Variants in CNTNAP2 observed in about 807,000 individuals in gnomAD.
CNTNAP2 encodes contactin-associated protein-like 2.
A neutral mutation model predicts 155.2 loss-of-function variants in CNTNAP2; 98 were observed. That is an observed-to-expected ratio of 0.63 (90% CI 0.54 to 0.75). CNTNAP2 has a LOEUF of 0.75. CNTNAP2 is among the 30% of genes least tolerant of loss of function. The pLI is 0.00. For missense variants in CNTNAP2, 1,727 were observed against 1,688.1 expected (o/e 1.02, Z -0.40); for synonymous variants, 651 against 631.2 (o/e 1.03, Z -0.47).
chr7:147,364,970 G>A (rs1055629569), intron 9 of CNTNAP2, among the ~76,000 whole-genome samples: 1 of 151,998 alleles, frequency 6.6e-6, no homozygotes, highest in African/African-American at 2.4e-5. Context: ...ATTTTTTTAA[G>A]TAAAAGAACC....
intron 14 of CNTNAP2, among the ~76,000 whole-genome samples, chr7:147,960,523 C>A (rs1801098427): frequency 1.3e-5 from 2 of 152,152 alleles, no homozygotes; most frequent in African/African-American, 4.8e-5. Context: ...ATAATCCAGG[C>A]AGACAAGGAC....
intron 1 of CNTNAP2, among the ~76,000 whole-genome samples, chr7:146,335,567 C>T (rs1801260323): frequency 6.6e-6 from 1 of 152,164 alleles, no homozygotes; most frequent in Non-Finnish European, 1.5e-5. Context: ...ACTGGAGAAT[C>T]TCTTTGATAG....
At chr7:147,230,468 G>A (rs1002932916) in intron 8 of CNTNAP2, among the ~76,000 whole-genome samples, 3 of 152,094 alleles carry the variant, frequency 2.0e-5, no homozygotes, top group African/African-American at 4.8e-5. Flanking sequence ...ATGTTGGCCA[G>A]GATGGATTTG....
chr7:148,186,914 T>A (rs1182023910), intron 18 of CNTNAP2, among the ~76,000 whole-genome samples: 2 of 152,144 alleles, frequency 1.3e-5, no homozygotes, highest in Non-Finnish European at 2.9e-5. Context: ...TGGCCTTGCT[T>A]GTTGTCCAAT....
chr7:146,177,520 G>C (rs1798487106), intron 1 of CNTNAP2, among the ~76,000 whole-genome samples: 1 of 152,218 alleles, frequency 6.6e-6, no homozygotes, highest in Admixed American at 6.5e-5. Flanking sequence ...AAAAACAGCA[G>C]TAAAAGCCAA....
At chr7:146,875,844 A>AAGACCAGCCT (rs1795409828) in intron 3 of CNTNAP2, among the ~76,000 whole-genome samples, 1 of 147,740 alleles carries the variant, frequency 6.8e-6, no homozygotes, top group Non-Finnish European at 1.5e-5. Flanking sequence ...CCAGTAGTTC[A>AAGACCAGCCT]AGACCAGCCT....
At chr7:147,758,025 A>G (rs968847907) in intron 13 of CNTNAP2, among the ~76,000 whole-genome samples, 2 of 152,220 alleles carry the variant, frequency 1.3e-5, no homozygotes, top group African/African-American at 4.8e-5. Flanking sequence ...GTGATGAAAG[A>G]AAAATAGGGA....
intron 3 of CNTNAP2, among the ~76,000 whole-genome samples, chr7:146,925,552 T>G (rs1025570624): frequency 1.3e-5 from 2 of 152,100 alleles, no homozygotes; most frequent in African/African-American, 4.8e-5. Context: ...TTATGTTAAT[T>G]ATGTTGTTAA....
intron 23 of CNTNAP2, among the ~76,000 whole-genome samples, chr7:148,411,851 A>ATATGTG (rs1422208766): frequency 2.1e-4 from 31 of 147,852 alleles, no homozygotes; most frequent in Middle Eastern, 3.6e-3. Flanking sequence ...CAACTGACAT[A>ATATGTG]TGTGTGTGTG....
chr7:146,708,618 A>G (rs1313403560), intron 1 of CNTNAP2, among the ~76,000 whole-genome samples: 1 of 51,056 alleles, frequency 2.0e-5, no homozygotes, highest in Admixed American at 2.7e-4. Flanking sequence ...TTTTTTTGAG[A>G]TGGAGTCTCA....
chr7:147,245,125 G>A (rs1804027147), intron 8 of CNTNAP2, among the ~76,000 whole-genome samples: 1 of 151,972 alleles, frequency 6.6e-6, no homozygotes, highest in Non-Finnish European at 1.5e-5. Context: ...AAATAATTTT[G>A]CTTTTGTCTA....
At chr7:147,663,846 A>G (rs1795654568) in intron 13 of CNTNAP2, among the ~76,000 whole-genome samples, 1 of 151,918 alleles carries the variant, frequency 6.6e-6, no homozygotes, top group South Asian at 2.1e-4. Context: ...TAGCTTTTAA[A>G]GCCCTTTAAT....
intron 13 of CNTNAP2, among the ~76,000 whole-genome samples, chr7:147,778,472 T>C (rs919354499): frequency 6.6e-6 from 1 of 152,180 alleles, no homozygotes; most frequent in Non-Finnish European, 1.5e-5. Flanking sequence ...GTTTATGCCA[T>C]GCTAAAAGAG....
At chr7:147,408,365 T>G (rs1012638970) in intron 10 of CNTNAP2, among the ~76,000 whole-genome samples, 2 of 152,058 alleles carry the variant, frequency 1.3e-5, no homozygotes, top group Non-Finnish European at 2.9e-5. Flanking sequence ...ATGACTTGAG[T>G]ACGTGCAGTA....
In CNTNAP2 at chr7:147,269,959, G is replaced by A. The variant is rs541143878; in HGVS notation, c.1349-30182G>A. Among the ~76,000 whole-genome samples, 237 of 152,272 alleles carry A rather than the reference G, an allele frequency of 1.6e-3. 2 individuals are homozygous for A. Among genetic ancestry groups the A allele is most frequent in the Non-Finnish European group, 2.6e-3 (177 of 68,020 alleles). ...CTCCTATAGTCCCAGCTATTCAGGA[G>A]GCTGAGATGGAAGAATAGCTTGAGC... On this transcript the variant is annotated intron_variant, in intron 8 of 23. Coordinates refer to ENST00000361727, the MANE Select transcript of CNTNAP2 (RefSeq NM_014141.6).
chr7:148,311,872 C>T (rs1263232950), intron 21 of CNTNAP2, among the ~76,000 whole-genome samples: 1 of 152,036 alleles, frequency 6.6e-6, no homozygotes, highest in African/African-American at 2.4e-5. Context: ...TCAAGTGGAT[C>T]AGAGAGATAC....
chr7:146,910,526 A>G (rs1325114211), intron 3 of CNTNAP2, among the ~76,000 whole-genome samples: 2,385 of 150,740 alleles, frequency 0.016, 65 homozygotes, highest in African/African-American at 0.056. Flanking sequence ...CTGATCTTTG[A>G]CAAACCTGAG....
At chr7:148,070,907 T>C (rs1803368904) in intron 15 of CNTNAP2, among the ~76,000 whole-genome samples, 1 of 152,202 alleles carries the variant, frequency 6.6e-6, no homozygotes, top group African/African-American at 2.4e-5. Context: ...GAAGGTATTG[T>C]TACTAACCCC....
chr7:146,496,051 T>C (rs1797210502), intron 1 of CNTNAP2, among the ~76,000 whole-genome samples: 2 of 152,138 alleles, frequency 1.3e-5, no homozygotes, highest in Admixed American at 6.5e-5. Context: ...TGATTGAGGA[T>C]GGCAAAAAAG....
Sources: allele counts gnomAD v4.1 joint callset (sites outside exome capture counted in the v4.1 genomes callset), GRCh38; gene constraint gnomAD v4.1.1; transcripts MANE v1.5; gene names NCBI Gene and HGNC (gene_info 2026-07-23, HGNC 2026-07-21).